SGMS1: variants seen among roughly 807,000 people sequenced by gnomAD.
The protein encoded by SGMS1 is phosphatidylcholine:ceramide cholinephosphotransferase 1.
In SGMS1, 13 loss-of-function variants were observed where a neutral mutation model predicts 46.2. The ratio of observed to expected loss-of-function variants is 0.28; its 90% CI spans 0.18 to 0.45. The LOEUF is 0.45. Ranked by LOEUF, SGMS1 falls within the 20% of genes least tolerant of loss-of-function variation. SGMS1 has a pLI of 1.00. For synonymous variants in SGMS1, 203 were observed against 187.8 expected, an observed-to-expected ratio of 1.08 and a Z score of -0.66; for missense variants, 324 against 519.9, an observed-to-expected ratio of 0.62 and a Z score of 3.66.
intron 3 of SGMS1, among the ~76,000 whole-genome samples, chr10:50,511,537 T>C (rs1290571435): frequency 6.6e-6 from 1 of 152,218 alleles, no homozygotes. Context: ...TAACTTCTCC[T>C]TAAGTCAGAG....
chr10:50,543,232 T>C (rs1309745367), intron 2 of SGMS1, among the ~76,000 whole-genome samples: 1 of 152,196 alleles, frequency 6.6e-6, no homozygotes, highest in Non-Finnish European at 1.5e-5. Context: ...GACTTACAAA[T>C]GACTATAAAA....
intron 3 of SGMS1, chr10:50,474,341 T>C (rs1021470334): frequency 6.6e-6 from 1 of 152,246 alleles, no homozygotes; most frequent in African/African-American, 2.4e-5. Flanking sequence ...AAAGGAGTTT[T>C]ATTATTTTCA....
rs546505638 is a variant in SGMS1, at chr10:50,305,924, A to G, written c.*1218T>C. ...ATAGAATACTTCCCCAAACATATGT[A>G]TGTTAGGAGTAAAACTTAGAGTTAC... On this transcript the variant is annotated 3_prime_UTR_variant, in exon 11 of 11. Coordinates refer to ENST00000361781, the MANE Select transcript of SGMS1 (RefSeq NM_147156.4). 1 of 152,828 alleles carries G rather than the reference A, an allele frequency of 6.5e-6. No individual in the cohort carries two copies. Among genetic ancestry groups the G allele is most frequent in the East Asian group, 1.9e-4 (1 of 5,278 alleles). The allele number at this position is 152,828 out of a possible 1,614,324, so 9.5% of individuals were successfully genotyped here. A position where few individuals can be genotyped will look rare whatever the true frequency, so the allele number is the denominator to read the frequency against.
chr10:50,522,989 G>C (rs1264569411), intron 2 of SGMS1, among the ~76,000 whole-genome samples: 1 of 152,076 alleles, frequency 6.6e-6, no homozygotes, highest in Non-Finnish European at 1.5e-5. Flanking sequence ...TCAATGCTAT[G>C]AGACCACCAT....
intron 6 of SGMS1, among the ~76,000 whole-genome samples, chr10:50,359,682 C>CAAA (rs34496581): frequency 1.4e-5 from 2 of 140,288 alleles, no homozygotes; most frequent in East Asian, 2.1e-4. Context: ...TTCATTATGG[C>CAAA]AAAAAAAAAA....
chr10:50,404,411 A>C (rs1848984672), intron 6 of SGMS1, among the ~76,000 whole-genome samples: 1 of 151,752 alleles, frequency 6.6e-6, no homozygotes, highest in Admixed American at 6.6e-5. Context: ...GTATGTGACC[A>C]GCTTGAGAAA....
intron 6 of SGMS1, among the ~76,000 whole-genome samples, chr10:50,398,127 T>G (rs1848873361): frequency 1.3e-5 from 2 of 152,220 alleles, no homozygotes; most frequent in South Asian, 4.1e-4. Context: ...GCAGACAAGT[T>G]TGGTGGTTAT....
At chr10:50,331,402 C>T (rs1847622088) in intron 7 of SGMS1, among the ~76,000 whole-genome samples, 1 of 152,232 alleles carries the variant, frequency 6.6e-6, no homozygotes, top group Admixed American at 6.5e-5. Flanking sequence ...GTATTTACAG[C>T]TGAGCCAACA....
rs186594624 is a variant in SGMS1 at position 50,508,712 on chromosome 10, C to T, written c.-498+11119G>A. On this transcript the variant is annotated intron_variant, in intron 3 of 10. Transcript: ENST00000361781. ...AATTCTCTATACCTTTTGGACCAGG[C>T]TCTGACCTAAGGAGAATATAAGAAG... Among the ~76,000 whole-genome samples the T allele has an allele frequency of 1.8e-4, 27 of 152,306 alleles. No individual in the cohort carries two copies. The East Asian group carries it at 5.0e-3, about 28-fold the overall frequency.
intron 6 of SGMS1, among the ~76,000 whole-genome samples, chr10:50,400,544 G>A (rs900321840): frequency 4.0e-5 from 6 of 150,018 alleles, no homozygotes; most frequent in Admixed American, 6.6e-5. Flanking sequence ...TCGAACTCTT[G>A]GACTCAAGCA....
intron 3 of SGMS1, among the ~76,000 whole-genome samples, chr10:50,483,597 C>T (rs1051622601): frequency 7.9e-5 from 12 of 152,220 alleles, no homozygotes; most frequent in African/African-American, 2.6e-4. Flanking sequence ...ACATTCTTCT[C>T]GGTGCCACAT....
chr10:50,577,810 G>GCTTTC (rs1011136229), intron 2 of SGMS1, among the ~76,000 whole-genome samples: 11 of 152,192 alleles, frequency 7.2e-5, no homozygotes, highest in African/African-American at 2.2e-4. Flanking sequence ...AAGCAGAGAG[G>GCTTTC]CTTTCCTTTC....
chr10:50,577,096 T>C (rs1362162983), intron 2 of SGMS1, among the ~76,000 whole-genome samples: 1 of 152,234 alleles, frequency 6.6e-6, no homozygotes, highest in Non-Finnish European at 1.5e-5. Context: ...TGGCTGGCCC[T>C]CAGAATTCAG....
In SGMS1 at chr10:50,307,360, CT is replaced by C. The variant is rs1217735548; in HGVS notation, c.1063-40del. 1.3e-6 allele frequency: 2 copies of C among 1,581,440 alleles called. No individual in the cohort carries two copies. The highest frequency in any genetic ancestry group is 3.4e-5 in the Admixed American group (2 of 58,120). On this transcript the variant is annotated intron_variant, in intron 10 of 10. Coordinates refer to ENST00000361781, the MANE Select transcript of SGMS1 (RefSeq NM_147156.4). The surrounding 1 kb of genome is among the most constrained non-coding windows in gnomAD (Gnocchi z 4.2). ...GAAACATAAACACATTTCTTACAAT[CT>C]TTCACTTTAAGTTCAAATACTTGCC... is the stretch of plus-strand genomic sequence containing the variant.
intron 1 of SGMS1, among the ~76,000 whole-genome samples, chr10:50,614,617 G>C (rs1838780113): frequency 6.6e-6 from 1 of 152,238 alleles, no homozygotes; most frequent in Admixed American, 6.5e-5. Flanking sequence ...GTGGGTCCCA[G>C]CCCTGGGCGT....
At chr10:50,520,237 T>A (rs1490289028) in intron 2 of SGMS1, among the ~76,000 whole-genome samples, 1 of 151,978 alleles carries the variant, frequency 6.6e-6, no homozygotes, top group East Asian at 1.9e-4. Flanking sequence ...AAATAATTTT[T>A]AAAATAGCCA....
intron 6 of SGMS1, among the ~76,000 whole-genome samples, chr10:50,388,281 T>A (rs1282368164): frequency 6.6e-6 from 1 of 152,114 alleles, no homozygotes; most frequent in Non-Finnish European, 1.5e-5. Flanking sequence ...GAATTTGTTA[T>A]GTACTCAAAA....
chr10:50,541,790 C>T (rs1036858303), intron 2 of SGMS1, among the ~76,000 whole-genome samples: 6 of 152,164 alleles, frequency 3.9e-5, no homozygotes, highest in African/African-American at 1.4e-4. Flanking sequence ...ACAATTAGCA[C>T]CAAATTGCAG....
At chr10:50,569,094 T>G (rs150811855) in intron 2 of SGMS1, among the ~76,000 whole-genome samples, 1 of 151,778 alleles carries the variant, frequency 6.6e-6, no homozygotes, top group Non-Finnish European at 1.5e-5. Flanking sequence ...TAAGTGGGAA[T>G]TGAACAATGA....
Sources: gnomAD v4.1 joint callset for allele counts (sites outside exome capture counted in the v4.1 genomes callset) on GRCh38, gnomAD v4.1.1 for gene constraint, Gnocchi (gnomAD v3.1) non-coding constraint, MANE v1.5 for transcripts, NCBI Gene and HGNC (gene_info 2026-07-23, HGNC 2026-07-21) for gene names.